COL25A1: variants seen among roughly 807,000 people sequenced by gnomAD.
The protein encoded by COL25A1 is collagen alpha-1(XXV) chain.
Under a neutral mutation model 128.4 loss-of-function variants are expected in COL25A1, and 103 were observed. That is an observed-to-expected ratio of 0.80 (90% CI 0.68 to 0.94). The LOEUF is 0.94. Among genes scored for constraint, COL25A1 ranks in the 40% least tolerant of loss-of-function variants. The pLI is 0.00. For missense variants in COL25A1, 745 were observed against 840.0 expected, an observed-to-expected ratio of 0.89 and a Z score of 1.40; for synonymous variants, 279 against 277.2, an observed-to-expected ratio of 1.01 and a Z score of -0.06.
At chr4:109,202,731 G>T (rs968818192) in intron 3 of COL25A1, among the ~76,000 whole-genome samples, 1 of 152,054 alleles carries the variant, frequency 6.6e-6, no homozygotes, top group Non-Finnish European at 1.5e-5. Flanking sequence ...ATTATCTATC[G>T]ATCAATTGAT....
intron 3 of COL25A1, among the ~76,000 whole-genome samples, chr4:109,139,525 C>G (rs1276780963): frequency 6.6e-6 from 1 of 152,102 alleles, no homozygotes; most frequent in Non-Finnish European, 1.5e-5. Flanking sequence ...AGTCCAGCTT[C>G]AGTTTTCTGC....
In COL25A1 at chr4:109,217,219, T is replaced by C. The variant is rs557207007; in HGVS notation, c.367+83364A>G. Among the ~76,000 whole-genome samples, 41 of 152,240 alleles carry C rather than the reference T, an allele frequency of 2.7e-4. 1 individual carries two copies. Among genetic ancestry groups the C allele is most frequent in the South Asian group, 1.5e-3 (7 of 4,816 alleles). On this transcript the variant is annotated intron_variant, in intron 3 of 37. Transcript: ENST00000399132. ...AAAATGCAACTTTTCAGATGGCAGA[T>C]ATGCAATTTGTTACTTTTATAATTC... is the stretch of plus-strand genomic sequence containing the variant.
chr4:109,092,460 G>C (rs529225493), intron 3 of COL25A1, among the ~76,000 whole-genome samples: 1 of 152,084 alleles, frequency 6.6e-6, no homozygotes, highest in Admixed American at 6.6e-5. Flanking sequence ...CTGCATTCCC[G>C]CCTGGGTGAC....
At chr4:109,042,958 T>A (rs1459809456) in intron 5 of COL25A1, among the ~76,000 whole-genome samples, 2 of 152,104 alleles carry the variant, frequency 1.3e-5, no homozygotes, top group African/African-American at 2.4e-5. Flanking sequence ...CAAAGATGTT[T>A]ACAAAGAGGG....
At chr4:109,214,851 T>A (rs1290426087) in intron 3 of COL25A1, among the ~76,000 whole-genome samples, 4 of 152,122 alleles carry the variant, frequency 2.6e-5, no homozygotes, top group Non-Finnish European at 2.9e-5. Flanking sequence ...GATCTCACCA[T>A]GGCTGGCATA....
At chr4:109,298,572 C>T (rs1163385776) in intron 3 of COL25A1, among the ~76,000 whole-genome samples, 1 of 152,216 alleles carries the variant, frequency 6.6e-6, no homozygotes, top group Non-Finnish European at 1.5e-5. Context: ...AATCTCTTTT[C>T]TAATCCTCTT....
chr4:108,943,642 G>A (rs192764771), intron 8 of COL25A1, among the ~76,000 whole-genome samples: 3 of 152,156 alleles, frequency 2.0e-5, no homozygotes, highest in Admixed American at 6.5e-5. Context: ...GCAGAAAAGC[G>A]GTTTTGAATT....
chr4:109,029,343 C>T (rs1484613372), intron 5 of COL25A1, among the ~76,000 whole-genome samples: 1 of 152,096 alleles, frequency 6.6e-6, no homozygotes, highest in East Asian at 1.9e-4. Context: ...CTGTATATGC[C>T]ACCTGCAGAA....
intron 3 of COL25A1, among the ~76,000 whole-genome samples, chr4:109,202,817 G>A (rs918455135): frequency 1.3e-5 from 2 of 152,128 alleles, no homozygotes; most frequent in South Asian, 2.1e-4. Flanking sequence ...CTAGCTATAT[G>A]GAGATAATAA....
At chr4:109,038,709 C>G (rs1759583865) in intron 5 of COL25A1, among the ~76,000 whole-genome samples, 1 of 152,176 alleles carries the variant, frequency 6.6e-6, no homozygotes, top group Non-Finnish European at 1.5e-5. Context: ...CTCCACTTAG[C>G]TGTCTTACCA....
chr4:108,991,501 G>T (rs969128429), intron 6 of COL25A1, among the ~76,000 whole-genome samples: 11 of 152,036 alleles, frequency 7.2e-5, no homozygotes, highest in African/African-American at 2.7e-4. Flanking sequence ...AATATATTAA[G>T]ACTTTTATTA....
chr4:109,148,344 CAT>C (rs1437548431), intron 3 of COL25A1, among the ~76,000 whole-genome samples: 5 of 152,156 alleles, frequency 3.3e-5, no homozygotes, highest in African/African-American at 1.2e-4. Context: ...TTTACTTACA[CAT>C]AGTTTGCAAT....
rs1463073962 is a variant in COL25A1, at chr4:108,905,384, TA to T, written c.781-4213del. Reference sequence around the variant, plus strand: ...ATTAATTCATATCATGTTAAAATGATAATTTTGAATAGATAGAGTTTAAAAA... The same window carrying T: ...ATTAATTCATATCATGTTAAAATGATATTTTGAATAGATAGAGTTTAAAAA... On this transcript the variant is annotated intron_variant, in intron 13 of 37. Coordinates refer to ENST00000399132, the MANE Select transcript of COL25A1 (RefSeq NM_198721.4). 8.3e-4 allele frequency among the ~76,000 whole-genome samples: 127 copies of T among 152,240 alleles called. 1 individual carries two copies. The highest frequency in any genetic ancestry group is 3.1e-3 in the African/African-American group (127 of 41,566).
chr4:109,216,580 C>T (rs967723717), intron 3 of COL25A1, among the ~76,000 whole-genome samples: 1 of 152,066 alleles, frequency 6.6e-6, no homozygotes, highest in Admixed American at 6.6e-5. Context: ...AAAAGGAGGA[C>T]AGCCATGTGA....
intron 3 of COL25A1, among the ~76,000 whole-genome samples, chr4:109,266,610 C>A (rs1350736488): frequency 6.6e-6 from 1 of 151,240 alleles, no homozygotes; most frequent in East Asian, 1.9e-4. Context: ...CCTGACCAGT[C>A]GGCATGACCT....
At chr4:109,092,475 C>T (rs752911665) in intron 3 of COL25A1, among the ~76,000 whole-genome samples, 3 of 152,120 alleles carry the variant, frequency 2.0e-5, no homozygotes, top group African/African-American at 7.2e-5. Context: ...GGTGACAGAG[C>T]GAGATGCACA....
At chr4:108,931,789 T>G (rs1746776652) in intron 11 of COL25A1, among the ~76,000 whole-genome samples, 1 of 152,140 alleles carries the variant, frequency 6.6e-6, no homozygotes, top group South Asian at 2.1e-4. Context: ...TGTCTACTTT[T>G]TCTGGTCCCT....
Position 109,022,055 on chromosome 4 carries a change from CCCCTT to C in COL25A1, c.421-11685_421-11681del, listed in dbSNP as rs201147839. ...CATGTGATCTTCACTCTGCCTTTTG[CCCCTT>C]GAAGCATGTGATCTTTGTGACCTAC... On this transcript the variant is annotated intron_variant, in intron 5 of 37. Transcript: ENST00000399132. 1,270 of 403,412 alleles carry C rather than the reference CCCCTT, an allele frequency of 3.1e-3. 21 individuals carry two copies. The highest frequency in any genetic ancestry group is 0.014 in the African/African-American group (651 of 48,168). 25.0% of individuals were successfully genotyped at this position (403,412 alleles called of 1,614,324 possible). A position where few individuals can be genotyped will look rare whatever the true frequency, so the allele number is the denominator to read the frequency against.
rs1398199498 is a variant in COL25A1 at position 108,952,846 on chromosome 4, TTTTTTTTTTTG to T, written c.493-11420_493-11410del. ...AAAAACTCAACTTTTTTTTTTTTTT[TTTTTTTTTTTG>T]GCATGTTTCATGCTGGGAGAGAAAG... On this transcript the variant is annotated intron_variant, in intron 8 of 37. Transcript: ENST00000399132. Among the ~76,000 whole-genome samples the T allele has an allele frequency of 5.1e-3, 730 of 144,158 alleles. 12 individuals are homozygous for T. The East Asian group carries it at 0.061, about 12-fold the overall frequency. The allele number at this position is 144,158 out of a possible 152,430, so 94.6% of individuals were successfully genotyped here. A position where few individuals can be genotyped will look rare whatever the true frequency, so the allele number is the denominator to read the frequency against.
Sources: gnomAD v4.1 joint callset for allele counts (sites outside exome capture counted in the v4.1 genomes callset) on GRCh38, gnomAD v4.1.1 for gene constraint, MANE v1.5 for transcripts, NCBI Gene and HGNC (gene_info 2026-07-23, HGNC 2026-07-21) for gene names.